Variants in HGS observed in about 807,000 individuals in gnomAD.
HGS encodes the protein human growth factor-regulated tyrosine kinase substrate.
HGS carries 63 observed loss-of-function variants against 109.7 expected under a neutral mutation model. The ratio of observed to expected loss-of-function variants is 0.57; its 90% CI spans 0.47 to 0.71. The LOEUF (loss-of-function observed/expected upper bound fraction) is 0.71. Among genes scored for constraint, HGS ranks in the 30% least tolerant of loss-of-function variants. The probability of loss-of-function intolerance (pLI) is 0.00; values close to 1 mark genes in which losing one functional copy is unlikely to be tolerated. For missense variants in HGS, 995 were observed against 1,068.3 expected (o/e 0.93, Z 0.96); for synonymous variants, 546 against 437.3 (o/e 1.25, Z -3.10).
At chr17:81,685,714 G>C in intron 2 of HGS, 25 bp downstream of exon 2, 2 of 1,586,862 alleles carry the variant, frequency 1.3e-6, no homozygotes, top group Non-Finnish European at 1.7e-6. Flanking sequence ...CCTGTGCCCT[G>C]ATGCGGAGGA....
Position 81,688,928 on chromosome 17 carries a change from C to A in HGS, c.415+101C>A, listed in dbSNP as rs549213159. The A allele has an allele frequency of 1.2e-5, 18 of 1,493,376 alleles. No homozygotes were observed. In the Admixed American group the frequency reaches 1.4e-4, roughly 12 times the overall value. The allele number at this position is 1,493,376 out of a possible 1,614,324, so 92.5% of individuals were successfully genotyped here. On this transcript the variant is annotated intron_variant, in intron 5 of 21. Transcript: ENST00000329138. ...GAGGGGCCTGGGAAGATGGGTTGTT[C>A]CCTGTGTTGGGAGGGAGGAGGGCGG...
At chr17:81,686,743 C>G (rs914670618) in intron 3 of HGS, among the ~76,000 whole-genome samples, 12 of 152,064 alleles carry the variant, frequency 7.9e-5, no homozygotes, top group Admixed American at 1.3e-4. Context: ...GCCTGACGGG[C>G]CTGTTGAAGG....
chr17:81,687,675 A>G (rs2037000740), intron 4 of HGS, among the ~76,000 whole-genome samples: 1 of 152,204 alleles, frequency 6.6e-6, no homozygotes, highest in Non-Finnish European at 1.5e-5. Context: ...TGCTGGGGAC[A>G]CCTGCAGGGA....
intron 11 of HGS, 103 bp from the exon 12 acceptor site, chr17:81,694,712 T>C (rs2037116759): frequency 1.4e-6 from 2 of 1,398,768 alleles, no homozygotes; most frequent in South Asian, 2.3e-5. Flanking sequence ...GGGCCCAGGC[T>C]GCGGCTCTGG....
Position 81,696,459 on chromosome 17 carries a change from C to T in HGS, c.1496C>T (p.Ala499Val). ...EEHREKLRRA[A>V]EEAERQRQIQ... ...CACCGGGAGAAGCTTCGCCGGGCAGCCGAGGAGGCAGAGCGCCAGCGCCAG... is the reference window on the plus strand; with the variant it reads ...CACCGGGAGAAGCTTCGCCGGGCAGTCGAGGAGGCAGAGCGCCAGCGCCAG... The change falls in exon 16 of 22, where the codon GCC becomes GTC. Residue 499 changes from alanine to valine, a missense_variant. Ala to Val is a moderately conservative substitution (Grantham distance 64, BLOSUM62 0). Around this residue, in one of 6 missense-constraint regions of HGS, gnomAD observed 163 missense variants for 217.8 expected, o/e 0.75. Transcript: ENST00000329138. The T allele has an allele frequency of 6.5e-7, 1 of 1,540,092 alleles. No homozygotes were observed. Among genetic ancestry groups the T allele is most frequent in the Non-Finnish European group, 8.7e-7 (1 of 1,144,098 alleles).
At chr17:81,684,262 G>T (rs911819119) in intron 1 of HGS, 159 bp downstream of exon 1, 20 of 584,540 alleles carry the variant, frequency 3.4e-5, no homozygotes, top group African/African-American at 2.5e-4. Flanking sequence ...GCCGATCCTG[G>T]ACCCTCGGCG....
intron 21 of HGS, 131 bp from the exon 22 acceptor site, chr17:81,701,377 G>A (rs985148599): frequency 1.9e-5 from 20 of 1,035,634 alleles, no homozygotes; most frequent in Non-Finnish European, 2.5e-5. Context: ...GCATGAGCTG[G>A]CTGCATGAGC....
Position 81,701,635 on chromosome 17 carries a change from G to A in HGS, c.*17G>A, listed in dbSNP as rs200878595. On this transcript the variant is annotated 3_prime_UTR_variant, in exon 22 of 22. Transcript: ENST00000329138. ...TTCGACTGACCCAGGCCATGCTCAC[G>A]TCCGGAGTAACACTACATACAGTTC... The A allele has an allele frequency of 7.1e-5, 109 of 1,543,342 alleles. No individual in the cohort carries two copies. Among genetic ancestry groups the A allele is most frequent in the Non-Finnish European group, 9.0e-5 (104 of 1,150,308 alleles).
At position 81,695,075 on chromosome 17, in the gene HGS, G is replaced by C. The variant is rs368845676; in HGVS notation, c.1119+8G>C. ...CCCACCAACGTGGTGGAGGTGAGGG[G>C]GCCACTCCCGGCATTCCTAGTGGCA... On this transcript the variant is annotated splice_region_variant and intron_variant, in intron 13 of 21. Coordinates refer to ENST00000329138, the MANE Select transcript of HGS (RefSeq NM_004712.5). 3.0e-5 allele frequency: 49 copies of C among 1,612,280 alleles called. No homozygotes were observed. The highest frequency in any genetic ancestry group is 4.0e-5 in the Non-Finnish European group (47 of 1,178,752).
chr17:81,684,177 C>G, intron 1 of HGS, 74 bp downstream of exon 1: 1 of 1,287,946 alleles, frequency 7.8e-7, no homozygotes, highest in Non-Finnish European at 1.0e-6. Context: ...CAGCGCGGCC[C>G]CGAGGGCCCG....
chr17:81,694,008 T>G, intron 11 of HGS, 43 bp downstream of exon 11: 1 of 1,533,014 alleles, frequency 6.5e-7, no homozygotes, highest in Non-Finnish European at 8.9e-7. Flanking sequence ...TGGAAGGCAG[T>G]AGGGTTGATG....
intron 14 of HGS, 141 bp from the exon 15 acceptor site, chr17:81,695,645 C>A: frequency 1.3e-6 from 1 of 743,964 alleles, no homozygotes; most frequent in Non-Finnish European, 2.3e-6. Context: ...CCTTCCTCAG[C>A]TGTAGAAGGG....
chr17:81,687,450 AT>A (rs2036997459), intron 4 of HGS, among the ~76,000 whole-genome samples: 1 of 152,088 alleles, frequency 6.6e-6, no homozygotes, highest in African/African-American at 2.4e-5. Context: ...GGTGGTGGCT[AT>A]CGTGTGTGAG....
intron 11 of HGS, 135 bp downstream of exon 11, chr17:81,694,100 C>T: frequency 1.4e-6 from 1 of 711,016 alleles, no homozygotes; most frequent in Non-Finnish European, 2.3e-6. Context: ...ACAGCCCCAG[C>T]ACACGGGCGG....
intron 2 of HGS, 163 bp from the exon 3 acceptor site, chr17:81,686,149 T>C: frequency 1.6e-6 from 1 of 622,320 alleles, no homozygotes; most frequent in East Asian, 2.8e-5. Context: ...CAGGCTGGTC[T>C]CAGACTCCTG....
At position 81,691,677 on chromosome 17, in the gene HGS, C is replaced by CCTCA; in HGVS notation, c.662+108_662+111dup. 1 of 1,419,216 alleles carries CCTCA rather than the reference C, an allele frequency of 7.0e-7. No homozygotes were observed. Among genetic ancestry groups the CCTCA allele is most frequent in the Non-Finnish European group, 9.8e-7 (1 of 1,022,962 alleles). The allele number at this position is 1,419,216 out of a possible 1,614,324, so 87.9% of individuals were successfully genotyped here. Reference sequence around the variant, plus strand: ...CTGAGGCCTGCAGACCCCAGAGGACCCTCACAGCACAGCAGCTGGAAGGTC... The same window carrying CCTCA: ...CTGAGGCCTGCAGACCCCAGAGGACCCTCACTCACAGCACAGCAGCTGGAAGGTC... On this transcript the variant is annotated intron_variant, in intron 8 of 21. Transcript: ENST00000329138. The surrounding 1 kb of genome is among the most constrained non-coding windows in gnomAD (Gnocchi z 5.3).
chr17:81,701,396 G>T, intron 21 of HGS, 112 bp from the exon 22 acceptor site: 1 of 1,192,062 alleles, frequency 8.4e-7, no homozygotes, highest in Admixed American at 2.4e-5. Context: ...GCTGCAGTCC[G>T]TGGACATGGA....
At chr17:81,699,579 CCATG>C (rs1299320800) in intron 18 of HGS, among the ~76,000 whole-genome samples, 1 of 152,204 alleles carries the variant, frequency 6.6e-6, no homozygotes, top group African/African-American at 2.4e-5. Flanking sequence ...GCGCCTGCCA[CCATG>C]CCCAGCTAGT....
At chr17:81,695,373 C>A in intron 14 of HGS, 150 bp downstream of exon 14, 1 of 777,948 alleles carries the variant, frequency 1.3e-6, no homozygotes, top group Non-Finnish European at 2.1e-6. Flanking sequence ...CCCTGCCCTG[C>A]CCTTTGTGGC....
Sources: allele counts gnomAD v4.1 joint callset (sites outside exome capture counted in the v4.1 genomes callset), GRCh38; gene constraint gnomAD v4.1.1; regional missense constraint gnomAD v4.1.1; non-coding constraint Gnocchi (gnomAD v3.1); transcripts MANE v1.5; gene names NCBI Gene and HGNC (gene_info 2026-07-23, HGNC 2026-07-21).